The following CEP192 variants were observed in gnomAD, a reference collection of about 807,000 sequenced individuals.
CEP192 encodes centrosomal protein of 192 kDa.
CEP192 carries 151 observed loss-of-function variants against 271.8 expected under a neutral mutation model. The ratio of observed to expected loss-of-function variants is 0.56; its 90% confidence interval spans 0.49 to 0.64. CEP192 has a LOEUF of 0.64. CEP192 is among the 30% of genes least tolerant of loss of function. The pLI is 0.00. For synonymous variants in CEP192, 995 were observed against 1,076.5 expected, an observed-to-expected ratio of 0.92 and a Z score of 1.48; for missense variants, 2,910 against 3,020.5, an observed-to-expected ratio of 0.96 and a Z score of 0.86.
In CEP192 at chr18:13,040,855, C is replaced by G; in HGVS notation, c.1835C>G (p.Ser612Ter). 1.3e-6 allele frequency: 2 copies of G among 1,591,054 alleles called. No individual in the cohort carries two copies. The highest frequency in any genetic ancestry group is 3.4e-4 in the Middle Eastern group (2 of 5,970). The change falls in exon 14 of 45, where the codon TCA becomes TGA. Residue 612 changes from serine (S) to a stop codon, truncating the protein, a stop_gained. Transcript: ENST00000506447. LOFTEE classifies it high-confidence loss of function. The stretch of plus-strand genomic sequence containing the variant: ...CCATCATTTGGCTATTTTATTAGAT[C>G]ACCAGAGAAGAGAGAACCTATTGCC... ...KRPSFGYFIRSPEKREPIALI... is the reference protein window; with the variant it reads ...KRPSFGYFIR
At position 13,099,593 on chromosome 18, in the gene CEP192, A is replaced by G. The variant is rs756018974; in HGVS notation, c.6663+12A>G. The G allele has an allele frequency of 2.1e-6, 3 of 1,432,628 alleles. No individual in the cohort carries two copies. Among genetic ancestry groups the G allele is most frequent in the Non-Finnish European group, 2.9e-6 (3 of 1,048,498 alleles). The allele number at this position is 1,432,628 out of a possible 1,614,324, so 88.7% of individuals were successfully genotyped here. A position where few individuals can be genotyped will look rare whatever the true frequency, so the allele number is the denominator to read the frequency against. On this transcript the variant is annotated intron_variant, in intron 37 of 44. Transcript: ENST00000506447. ...ACGATGGACAGAAGGTACTTTTAAAAGTGGTTTGGTTTTTTTTTTGAGTGA... is the reference window on the plus strand; with the variant it reads ...ACGATGGACAGAAGGTACTTTTAAAGGTGGTTTGGTTTTTTTTTTGAGTGA...
intron 44 of CEP192, among the ~76,000 whole-genome samples, chr18:13,121,939 G>C (rs957526314): frequency 1.3e-5 from 2 of 152,228 alleles, no homozygotes; most frequent in Non-Finnish European, 2.9e-5. Flanking sequence ...TGATAATGGT[G>C]GTACCTTGTA....
Position 13,029,863 on chromosome 18 carries a change from GTCCAT to G in CEP192, c.1254_1258del (p.Ile419ArgfsTer12), listed in dbSNP as rs1232566577. ...GTTTAGACACTGAGACTCCTACGGT[GTCCAT>G]TCAAGAAAATGTGGATGTAGCCTCT... On this transcript the variant is annotated frameshift_variant, in exon 10 of 45. Transcript: ENST00000506447. LOFTEE classifies it high-confidence loss of function. 1.9e-6 allele frequency: 3 copies of G among 1,551,680 alleles called. No homozygotes were observed. The highest frequency in any genetic ancestry group is 2.0e-5 in the Admixed American group (1 of 51,006).
intron 5 of CEP192, 135 bp from the exon 6 acceptor site, chr18:13,015,193 T>C (rs1441464007): frequency 1.3e-6 from 1 of 797,288 alleles, no homozygotes; most frequent in African/African-American, 1.8e-5. Context: ...GCTAGCCCTT[T>C]ATTGCCTAAG....
intron 35 of CEP192, 24 bp downstream of exon 35, chr18:13,095,705 T>G: frequency 1.2e-6 from 2 of 1,603,332 alleles, no homozygotes; most frequent in Non-Finnish European, 8.5e-7. Flanking sequence ...CTGTGACACC[T>G]CAGAGGTGTG....
At chr18:13,065,729 C>G (rs533010) in intron 21 of CEP192, among the ~76,000 whole-genome samples, 3,106 of 152,234 alleles carry the variant, frequency 0.02, 114 homozygotes, top group African/African-American at 0.071. Flanking sequence ...CCAGCCAGTC[C>G]ACAAGACAGG....
At chr18:13,076,973 G>A (rs2038322998) in intron 30 of CEP192, among the ~76,000 whole-genome samples, 1 of 152,020 alleles carries the variant, frequency 6.6e-6, no homozygotes, top group African/African-American at 2.4e-5. Context: ...TAGTAGAGAT[G>A]GGGTTGTGCC....
intron 11 of CEP192, among the ~76,000 whole-genome samples, chr18:13,035,813 A>G (rs946521752): frequency 2.6e-5 from 4 of 152,190 alleles, no homozygotes; most frequent in Non-Finnish European, 4.4e-5. Flanking sequence ...GGTTCTCCTG[A>G]TGCTCATTCC....
At chr18:13,122,827 T>C (rs2040732942) in intron 44 of CEP192, among the ~76,000 whole-genome samples, 1 of 95,662 alleles carries the variant, frequency 1.0e-5, no homozygotes, top group Admixed American at 1.1e-4. Flanking sequence ...CCTGCTACCT[T>C]TTCCCGTGTG....
At chr18:13,005,104 GC>G (rs1481627233) in intron 3 of CEP192, among the ~76,000 whole-genome samples, 1 of 152,112 alleles carries the variant, frequency 6.6e-6, no homozygotes, top group Non-Finnish European at 1.5e-5. Context: ...GGCACTGAGG[GC>G]AAGAAGGGCG....
At chr18:13,068,268 G>T (rs751674144) in intron 23 of CEP192, 31 bp downstream of exon 23, 104 of 1,608,446 alleles carry the variant, frequency 6.5e-5, no homozygotes, top group Non-Finnish European at 8.2e-5. Flanking sequence ...AATTAAAGAG[G>T]AAATTAAGCT....
chr18:13,109,662 TG>T (rs2145018627), intron 40 of CEP192, among the ~76,000 whole-genome samples: 1 of 151,990 alleles, frequency 6.6e-6, no homozygotes, highest in African/African-American at 2.4e-5. Flanking sequence ...ATTTGAAGAA[TG>T]GTGAAAATAA....
intron 42 of CEP192, among the ~76,000 whole-genome samples, chr18:13,114,613 G>A (rs760160743): frequency 6.6e-5 from 10 of 151,970 alleles, no homozygotes; most frequent in South Asian, 6.2e-4. Flanking sequence ...TTAAATGAAC[G>A]TATCACAGTT....
At chr18:13,100,201 G>C in intron 37 of CEP192, 104 bp from the exon 38 acceptor site, 1 of 741,932 alleles carries the variant, frequency 1.3e-6, no homozygotes, top group South Asian at 1.8e-5. Flanking sequence ...TTGATGTTTT[G>C]TTTGTTTGGC....
intron 3 of CEP192, 132 bp from the exon 4 acceptor site, chr18:13,008,324 C>T (rs1432623341): frequency 4.4e-6 from 3 of 676,450 alleles, no homozygotes; most frequent in African/African-American, 3.6e-5. Context: ...TCTGGCTAGA[C>T]TCAAATGTTT....
intron 9 of CEP192, among the ~76,000 whole-genome samples, chr18:13,025,799 C>T (rs1004314083): frequency 3.3e-5 from 5 of 152,052 alleles, no homozygotes; most frequent in African/African-American, 1.2e-4. Context: ...ATATGTGTGT[C>T]TGTATATAGA....
At position 13,068,178 on chromosome 18, in the gene CEP192, A is replaced by G; in HGVS notation, c.4699A>G (p.Thr1567Ala). Residue 1567 changes from threonine to alanine, a missense_variant, in exon 23 of 45, where the codon ACT becomes GCT. Thr to Ala is a moderately conservative substitution (Grantham distance 58, BLOSUM62 0). Transcript: ENST00000506447. ...VEVAPCADVVTRLAGPSVVNH... is the reference protein window; with the variant it reads ...VEVAPCADVVARLAGPSVVNH... ...AGTTGCTCCTTGCGCTGATGTGGTC[A>G]CTCGGCTAGCAGGCCCTTCTGTGGT... is the stretch of plus-strand genomic sequence containing the variant. 2 of 1,614,232 alleles carry G rather than the reference A, an allele frequency of 1.2e-6. No individual in the cohort carries two copies. The highest frequency in any genetic ancestry group is 1.1e-5 in the South Asian group (1 of 91,084).
chr18:13,091,646 T>C (rs753238162), intron 33 of CEP192, among the ~76,000 whole-genome samples: 25 of 152,244 alleles, frequency 1.6e-4, no homozygotes, highest in Non-Finnish European at 2.6e-4. Flanking sequence ...AGTTATAAAT[T>C]TAAATTTATA....
At chr18:13,031,250 T>G (rs1006835999) in intron 11 of CEP192, among the ~76,000 whole-genome samples, 1 of 143,534 alleles carries the variant, frequency 7.0e-6, no homozygotes, top group African/African-American at 2.6e-5. Context: ...GTTGTTTTTT[T>G]TTTTTTTTTT....
Sources: allele counts gnomAD v4.1 joint callset (sites outside exome capture counted in the v4.1 genomes callset), GRCh38; gene constraint gnomAD v4.1.1; transcripts MANE v1.5; gene names NCBI Gene and HGNC (gene_info 2026-07-23, HGNC 2026-07-21).